The following ARFGEF1 variants were observed in gnomAD, a reference collection of about 807,000 sequenced individuals.
ARFGEF1 encodes the protein brefeldin A-inhibited guanine nucleotide-exchange protein 1.
Under a neutral mutation model 231.0 loss-of-function variants are expected in ARFGEF1, and 42 were observed. That is an observed-to-expected ratio of 0.18 (90% CI 0.14 to 0.24). ARFGEF1 has a LOEUF of 0.24. Ranked by LOEUF, ARFGEF1 falls within the 10% of genes least tolerant of loss-of-function variation. The pLI is 1.00. For missense variants in ARFGEF1, 1,345 were observed against 2,192.0 expected (o/e 0.61, Z 7.72); for synonymous variants, 710 against 732.3 (o/e 0.97, Z 0.49).
chr8:67,174,526 G>A (rs1419349853), downstream of ARFGEF1: 2 of 152,114 alleles, frequency 1.3e-5, no homozygotes, highest in East Asian at 3.9e-4. Flanking sequence ...ACTTTGAGAG[G>A]CCGAGGCGTG....
intron 9 of ARFGEF1, among the ~76,000 whole-genome samples, chr8:67,275,325 T>C (rs940111153): frequency 6.6e-6 from 1 of 152,022 alleles, no homozygotes; most frequent in Non-Finnish European, 1.5e-5. Flanking sequence ...CGAGAGATAC[T>C]TGACCATTTA....
chr8:67,229,044 G>C (rs1046872736), intron 23 of ARFGEF1, among the ~76,000 whole-genome samples: 17 of 152,034 alleles, frequency 1.1e-4, no homozygotes, highest in African/African-American at 4.1e-4. Context: ...GGCAGGAGCA[G>C]GTCACAGTAG....
At chr8:67,230,488 A>G (rs1186660225) in intron 23 of ARFGEF1, among the ~76,000 whole-genome samples, 4 of 152,088 alleles carry the variant, frequency 2.6e-5, no homozygotes, top group Admixed American at 2.6e-4. Flanking sequence ...TATACCTGTA[A>G]AAGGTTTTTT....
Position 67,238,246 on chromosome 8 carries a change from T to C in ARFGEF1, c.3289+97A>G, listed in dbSNP as rs554464356. Reference sequence around the variant, plus strand: ...TCTCATAAGGTTAGACAAAAGGCATTTTATCTTCTCCTTCTAATTATATTT... The same window carrying C: ...TCTCATAAGGTTAGACAAAAGGCATCTTATCTTCTCCTTCTAATTATATTT... On this transcript the variant is annotated intron_variant, in intron 22 of 38. Transcript: ENST00000262215. 2.8e-4 allele frequency: 365 copies of C among 1,321,246 alleles called. No homozygotes were observed. In the African/African-American group the frequency reaches 4.9e-3, roughly 18 times the overall value. 81.8% of individuals were successfully genotyped at this position (1,321,246 alleles called of 1,614,324 possible).
intron 1 of ARFGEF1, among the ~76,000 whole-genome samples, chr8:67,318,467 T>C (rs1412890567): frequency 6.6e-6 from 1 of 151,884 alleles, no homozygotes; most frequent in African/African-American, 2.4e-5. Flanking sequence ...TCCCAGACAG[T>C]GTAAATAAGT....
rs370736204 is a variant in ARFGEF1, at chr8:67,343,292, G to T, written c.-5C>A. ...CGTCTTCTTCCCCTCATACATGGACGCAGAGAAGGAGGCGGCGGCTCGTCC... is the reference window on the plus strand; with the variant it reads ...CGTCTTCTTCCCCTCATACATGGACTCAGAGAAGGAGGCGGCGGCTCGTCC... On this transcript the variant is annotated 5_prime_UTR_variant, in exon 1 of 39. Transcript: ENST00000262215. The T allele has an allele frequency of 1.2e-6, 2 of 1,612,368 alleles. No individual in the cohort carries two copies. The highest frequency in any genetic ancestry group is 1.7e-4 in the Middle Eastern group (1 of 6,054).
rs773733329 is a variant in ARFGEF1 at position 67,259,903 on chromosome 8, C to A, written c.2147G>T (p.Gly716Val). ...CCCTTGTTCTTGGAGGTACTGTATTCCTCTCTTTGGTTTCTTATTAAATCT... is the reference window on the plus strand; with the variant it reads ...CCCTTGTTCTTGGAGGTACTGTATTACTCTCTTTGGTTTCTTATTAAATCT... ...IDLFNKKPKRGIQYLQEQGML... is the reference protein window; with the variant it reads ...IDLFNKKPKRVIQYLQEQGML... Residue 716 changes from glycine to valine, a missense_variant, in exon 15 of 39, where the codon GGA (glycine) becomes GTA (valine). This residue lies in a region of ARFGEF1 where 105 missense variants were observed against 159.3 expected (regional missense o/e 0.66). Transcript: ENST00000262215. 6.2e-7 allele frequency: 1 copy of A among 1,608,954 alleles called. No individual in the cohort carries two copies. The highest frequency in any genetic ancestry group is 8.5e-7 in the Non-Finnish European group (1 of 1,177,534).
intron 28 of ARFGEF1, 115 bp downstream of exon 28, chr8:67,225,908 T>C: frequency 9.3e-7 from 1 of 1,079,584 alleles, no homozygotes; most frequent in Non-Finnish European, 1.3e-6. Context: ...GCTCAGATTA[T>C]TTTTCAAATT....
chr8:67,204,712 T>G lies in ARFGEF1; in HGVS notation c.4927A>C (p.Lys1643Gln). 6.2e-7 allele frequency: 1 copy of G among 1,613,772 alleles called. No homozygotes were observed. Among genetic ancestry groups the G allele is most frequent in the Non-Finnish European group, 8.5e-7 (1 of 1,179,898 alleles). Residue 1643 changes from lysine to glutamine, a missense_variant, in exon 35 of 39, where the codon AAA becomes CAA. Physicochemically the swap from Lys to Gln is moderately conservative, Grantham distance 53. This residue lies in a region of ARFGEF1 where 161 missense variants were observed against 284.9 expected (regional missense o/e 0.57). Coordinates refer to ENST00000262215, the MANE Select transcript of ARFGEF1 (RefSeq NM_006421.5). ...NIVFFPATSK[K>Q]EDAENLAAAQ... ...GCAGCTAAGTTTTCTGCATCTTCTTTCTTACTTGTGGCTGGGAAGAAGACA... is the reference window on the plus strand; with the variant it reads ...GCAGCTAAGTTTTCTGCATCTTCTTGCTTACTTGTGGCTGGGAAGAAGACA...
chr8:67,197,567 G>T, downstream of ARFGEF1: 1 of 934,462 alleles, frequency 1.1e-6, no homozygotes, highest in Non-Finnish European at 1.3e-6. Context: ...AAACAATATT[G>T]AATTTGTAGT....
chr8:67,343,464 G>T lies in ARFGEF1; in HGVS notation c.-177C>A, dbSNP rs1489529350. ...GCGGGCGAGCGGGACCAGCCGCGGT[G>T]TCGGCGAAGGGCGTCGAGGTCCTCG... On this transcript the variant is annotated 5_prime_UTR_variant, in exon 1 of 39. Coordinates refer to ENST00000262215, the MANE Select transcript of ARFGEF1 (RefSeq NM_006421.5). The T allele has an allele frequency of 1.5e-6, 2 of 1,343,436 alleles. No homozygotes were observed. Among genetic ancestry groups the T allele is most frequent in the East Asian group, 5.5e-5 (2 of 36,244 alleles). 83.2% of individuals were successfully genotyped at this position (1,343,436 alleles called of 1,614,324 possible). A position where few individuals can be genotyped will look rare whatever the true frequency, so the allele number is the denominator to read the frequency against.
Position 67,226,165 on chromosome 8 carries a change from T to C in ARFGEF1, c.3935A>G (p.His1312Arg). The change falls in exon 28 of 39, where the codon CAC becomes CGC. Residue 1312 changes from histidine (H) to arginine (R), a missense_variant. Physicochemically the swap from His to Arg is conservative, Grantham distance 29. Around this residue, in one of 14 missense-constraint regions of ARFGEF1, gnomAD observed 142 missense variants for 227.3 expected, o/e 0.62. Transcript: ENST00000262215. ...GHIVTLVFEK[H>R]FPATIDSFQD... The stretch of plus-strand genomic sequence containing the variant: ...GAAAGAATCAATGGTCGCTGGAAAG[T>C]GTTTTTCAAATACAAGGGCTAAAAT... 3 of 1,606,160 alleles carry C rather than the reference T, an allele frequency of 1.9e-6. No homozygotes were observed. Among genetic ancestry groups the C allele is most frequent in the Non-Finnish European group, 2.5e-6 (3 of 1,176,756 alleles).
intron 19 of ARFGEF1, among the ~76,000 whole-genome samples, chr8:67,242,724 C>T (rs1236274554): frequency 3.3e-5 from 5 of 152,140 alleles, no homozygotes; most frequent in African/African-American, 4.8e-5. Flanking sequence ...TCTTGGAGAC[C>T]TTATTCCAGG....
chr8:67,289,154 A>C (rs935277216), intron 6 of ARFGEF1, among the ~76,000 whole-genome samples: 2 of 152,044 alleles, frequency 1.3e-5, no homozygotes, highest in African/African-American at 4.8e-5. Flanking sequence ...ATGCCCTGGG[A>C]TTCAAAATGC....
chr8:67,327,426 T>C (rs1160415336), intron 1 of ARFGEF1, among the ~76,000 whole-genome samples: 1 of 150,702 alleles, frequency 6.6e-6, no homozygotes, highest in Non-Finnish European at 1.5e-5. Context: ...CAAGCTATCA[T>C]CCTGCCTCAG....
intron 5 of ARFGEF1, among the ~76,000 whole-genome samples, chr8:67,184,093 T>A (rs1563778229): frequency 6.6e-6 from 1 of 152,062 alleles, no homozygotes; most frequent in African/African-American, 2.4e-5. Flanking sequence ...CCTCAGGTGA[T>A]CCCCCGGCCT....
At chr8:67,279,114 T>TA (rs982646444) in intron 7 of ARFGEF1, among the ~76,000 whole-genome samples, 3 of 152,016 alleles carry the variant, frequency 2.0e-5, no homozygotes, top group Admixed American at 6.5e-5. Flanking sequence ...AAATTTTTTT[T>TA]AAAAAAAGAA....
chr8:67,186,292 CCA>C (rs1834549400), intron 5 of ARFGEF1, among the ~76,000 whole-genome samples: 2 of 151,972 alleles, frequency 1.3e-5, no homozygotes, highest in Non-Finnish European at 2.9e-5. Flanking sequence ...AGATGCAACT[CCA>C]CCCTTTGCTT....
chr8:67,175,617 G>A (rs766403684), intron 5 of ARFGEF1: 2 of 728,518 alleles, frequency 2.7e-6, no homozygotes, highest in Non-Finnish European at 2.5e-6. Flanking sequence ...GCTCTGAGTG[G>A]CTCCACTAGG....
Sources: allele counts gnomAD v4.1 joint callset (sites outside exome capture counted in the v4.1 genomes callset), GRCh38; gene constraint gnomAD v4.1.1; regional missense constraint gnomAD v4.1.1; transcripts MANE v1.5; gene names NCBI Gene and HGNC (gene_info 2026-07-23, HGNC 2026-07-21).